ADAMTSL1: variants seen among roughly 807,000 people sequenced by gnomAD.
ADAMTSL1 encodes the protein ADAMTS like 1, also known as ADAMTS-like protein 1.
In ADAMTSL1, 126 loss-of-function variants were observed where a neutral mutation model predicts 201.8. The ratio of observed to expected loss-of-function variants is 0.62; its 90% CI spans 0.54 to 0.72. The LOEUF (loss-of-function observed/expected upper bound fraction) is 0.72, where lower values mean the gene tolerates loss of function less well. Among genes scored for constraint, ADAMTSL1 ranks in the 30% least tolerant of loss-of-function variants. ADAMTSL1 has a pLI of 0.00. For missense variants in ADAMTSL1, 2,679 were observed against 2,277.8 expected (o/e 1.18, Z -3.59); for synonymous variants, 1,121 against 903.4 (o/e 1.24, Z -4.32).
chr9:17,933,492 G>T (rs978917196), intron 1 of ADAMTSL1, among the ~76,000 whole-genome samples: 13 of 152,074 alleles, frequency 8.5e-5, no homozygotes, highest in Admixed American at 5.2e-4. Flanking sequence ...ATAATATTGT[G>T]GTCAGTCATT....
rs369423383 is a variant in ADAMTSL1, at chr9:18,889,719, C to T, written c.4614C>T (p.Ile1538=). The part of the protein sequence containing the change: ...AGKVRPAVQP[I]ACNRRDCPSR... The stretch of plus-strand genomic sequence containing the variant: ...AGGTTCGCCCTGCGGTGCAGCCCAT[C>T]GCGTGCAACCGGAGAGACTGCCCTT... The change falls in exon 25 of 29, where the codon ATC becomes ATT. Residue 1538 remains isoleucine, a synonymous_variant. Coordinates refer to ENST00000380548, the MANE Select transcript of ADAMTSL1 (RefSeq NM_001040272.6). 959 of 1,529,624 alleles carry T rather than the reference C, an allele frequency of 6.3e-4. 1 individual carries two copies. The highest frequency in any genetic ancestry group is 7.6e-4 in the Non-Finnish European group (865 of 1,136,644). The allele number at this position is 1,529,624 out of a possible 1,614,324, so 94.8% of individuals were successfully genotyped here.
rs1358018133 is a variant in ADAMTSL1 at position 17,999,877 on chromosome 9, A to G, written c.87+92955A>G. Among the ~76,000 whole-genome samples the G allele has an allele frequency of 2.7e-5, 4 of 149,964 alleles. 1 individual carries two copies. The East Asian group carries it at 7.8e-4, about 29-fold the overall frequency. On this transcript the variant is annotated intron_variant, in intron 1 of 29. Coordinates refer to the ADAMTSL1 transcript ENST00000680146. ...GTGTTTGGTTTTTTGTTCTTGCGAC[A>G]GTTTACTGAGAATGATGATTTCCAA...
chr9:18,694,699 G>C (rs947800638), intron 13 of ADAMTSL1, among the ~76,000 whole-genome samples: 1 of 152,134 alleles, frequency 6.6e-6, no homozygotes, highest in Non-Finnish European at 1.5e-5. Context: ...AGCTTTTCTA[G>C]GTTCATGGTG....
At chr9:18,197,582 G>A (rs1328958576) in intron 2 of ADAMTSL1, among the ~76,000 whole-genome samples, 8 of 146,598 alleles carry the variant, frequency 5.5e-5, no homozygotes, top group African/African-American at 2.0e-4. Context: ...ATTTTGGGCT[G>A]AGACAATGCG....
At chr9:18,491,180 A>C (rs751437025) in intron 1 of ADAMTSL1, among the ~76,000 whole-genome samples, 20 of 152,172 alleles carry the variant, frequency 1.3e-4, no homozygotes, top group Non-Finnish European at 2.8e-4. Context: ...ATGATTTAGC[A>C]CCTTCACTTT....
rs150126485 is a variant in ADAMTSL1 at position 18,547,863 on chromosome 9, G to A, written c.237+14571G>A. Among the ~76,000 whole-genome samples the A allele has an allele frequency of 5.3e-5, 8 of 151,808 alleles. No individual in the cohort carries two copies. In the East Asian group the frequency reaches 1.2e-3, roughly 22 times the overall value. On this transcript the variant is annotated intron_variant, in intron 3 of 28. Coordinates refer to ENST00000380548, the MANE Select transcript of ADAMTSL1 (RefSeq NM_001040272.6). ...TTCTGGACCGGGGGCCATGTGAACC[G>A]TATGGAGATAATCATAAAACCATTG...
intron 2 of ADAMTSL1, among the ~76,000 whole-genome samples, chr9:18,402,803 C>G (rs1029991223): frequency 6.6e-6 from 1 of 152,176 alleles, no homozygotes; most frequent in East Asian, 1.9e-4. Flanking sequence ...GAATTAGGGA[C>G]TTCTAGCATA....
intron 1 of ADAMTSL1, among the ~76,000 whole-genome samples, chr9:18,124,553 A>G (rs1424324918): frequency 6.6e-6 from 1 of 152,112 alleles, no homozygotes. Context: ...TTTGTTGGGA[A>G]TGTCCTTTGA....
chr9:18,262,730 A>G (rs911617742), intron 2 of ADAMTSL1, among the ~76,000 whole-genome samples: 1 of 152,266 alleles, frequency 6.6e-6, no homozygotes, highest in Admixed American at 6.5e-5. Flanking sequence ...AGGGAATTCC[A>G]GAAAAGTTCA....
chr9:18,760,693 C>G (rs528201758), intron 16 of ADAMTSL1, among the ~76,000 whole-genome samples: 1 of 152,296 alleles, frequency 6.6e-6, no homozygotes, highest in African/African-American at 2.4e-5. Context: ...TGCTCCTAAT[C>G]TAATGTCTCA....
intron 13 of ADAMTSL1, among the ~76,000 whole-genome samples, chr9:18,702,223 A>G (rs1316723348): frequency 6.6e-6 from 1 of 152,196 alleles, no homozygotes; most frequent in Non-Finnish European, 1.5e-5. Context: ...TGAGAGCTAC[A>G]AGATGAGATT....
intron 1 of ADAMTSL1, among the ~76,000 whole-genome samples, chr9:17,944,179 C>G (rs943330735): frequency 3.9e-5 from 6 of 152,020 alleles, no homozygotes; most frequent in Admixed American, 3.3e-4. Flanking sequence ...AACAGACAAA[C>G]AGAGAGCCAA....
At chr9:18,450,472 G>A (rs1371612219) in intron 2 of ADAMTSL1, among the ~76,000 whole-genome samples, 1 of 152,022 alleles carries the variant, frequency 6.6e-6, no homozygotes, top group Non-Finnish European at 1.5e-5. Flanking sequence ...GTTAGGAAAA[G>A]GTCAATTTTA....
intron 2 of ADAMTSL1, among the ~76,000 whole-genome samples, chr9:18,297,135 C>T (rs1833507255): frequency 6.6e-6 from 1 of 151,246 alleles, no homozygotes; most frequent in Admixed American, 6.6e-5. Flanking sequence ...TTTCCCACAT[C>T]CCAGAGTCTA....
chr9:18,179,478 C>A (rs1272269084), intron 2 of ADAMTSL1, among the ~76,000 whole-genome samples: 1 of 152,088 alleles, frequency 6.6e-6, no homozygotes, highest in Non-Finnish European at 1.5e-5. Context: ...GAGAACTTCC[C>A]CAATCTAGCA....
chr9:18,501,246 C>G (rs998648034), intron 1 of ADAMTSL1, among the ~76,000 whole-genome samples: 1 of 152,138 alleles, frequency 6.6e-6, no homozygotes, highest in East Asian at 1.9e-4. Context: ...CGTGATGGCT[C>G]ATGCCTGTAA....
intron 2 of ADAMTSL1, among the ~76,000 whole-genome samples, chr9:18,384,352 G>T (rs982843221): frequency 6.6e-6 from 1 of 152,076 alleles, no homozygotes; most frequent in Non-Finnish European, 1.5e-5. Flanking sequence ...AATCTGCCCC[G>T]TGATTCAATC....
At chr9:18,583,079 G>A (rs1300583574) in intron 4 of ADAMTSL1, among the ~76,000 whole-genome samples, 3 of 152,096 alleles carry the variant, frequency 2.0e-5, no homozygotes, top group Non-Finnish European at 2.9e-5. Context: ...TATAAGCAGC[G>A]TGAAAATGGG....
intron 16 of ADAMTSL1, among the ~76,000 whole-genome samples, chr9:18,754,197 C>T (rs1819618212): frequency 6.6e-6 from 1 of 152,186 alleles, no homozygotes; most frequent in Non-Finnish European, 1.5e-5. Flanking sequence ...ACATATGGCT[C>T]ATAAAATCTA....
Sources: allele counts gnomAD v4.1 joint callset (sites outside exome capture counted in the v4.1 genomes callset), GRCh38; gene constraint gnomAD v4.1.1; transcripts MANE v1.5; gene names NCBI Gene and HGNC (gene_info 2026-07-23, HGNC 2026-07-21).